The following DARS2 variants were observed in gnomAD, a reference collection of about 807,000 sequenced individuals.
DARS2 encodes aspartate--tRNA ligase, mitochondrial.
Under a neutral mutation model 83.0 loss-of-function variants are expected in DARS2, and 63 were observed. The observed-to-expected ratio is 0.76, with a 90% CI of 0.62 to 0.94. The LOEUF is 0.94. Ranked by LOEUF, DARS2 falls within the 40% of genes least tolerant of loss-of-function variation. DARS2 has a pLI of 0.00. For synonymous variants in DARS2, 250 were observed against 269.3 expected (o/e 0.93, Z 0.70); for missense variants, 675 against 774.4 (o/e 0.87, Z 1.52).
chr1:173,857,831 G>A lies in DARS2; in HGVS notation c.*126G>A. ...AAGTCTTTAGATGGAAGGAATCCAG[G>A]CAACATTCTTCACCACAACGAAGAA... On this transcript the variant is annotated 3_prime_UTR_variant, in exon 17 of 17. Transcript: ENST00000649689. 1.0e-6 allele frequency: 1 copy of A among 988,484 alleles called. No individual in the cohort carries two copies. Among genetic ancestry groups the A allele is most frequent in the South Asian group, 1.4e-5 (1 of 72,992 alleles). 61.2% of individuals were successfully genotyped at this position (988,484 alleles called of 1,614,324 possible). A position where few individuals can be genotyped will look rare whatever the true frequency, so the allele number is the denominator to read the frequency against.
At chr1:173,828,240 T>G in intron 2 of DARS2, 93 bp from the exon 3 acceptor site, 1 of 1,237,776 alleles carries the variant, frequency 8.1e-7, no homozygotes, top group Non-Finnish European at 1.2e-6. Flanking sequence ...AAAAATTGCA[T>G]GGATTTTTGT....
intron 13 of DARS2, 124 bp downstream of exon 13, chr1:173,850,603 ATC>A: frequency 1.9e-6 from 2 of 1,054,808 alleles, no homozygotes; most frequent in Non-Finnish European, 2.6e-6. Flanking sequence ...CTCTGCATAA[ATC>A]TTTTTTTTTT....
intron 15 of DARS2, among the ~76,000 whole-genome samples, chr1:173,854,593 AAGCAG>A (rs1287183041): frequency 1.3e-5 from 2 of 152,230 alleles, no homozygotes; most frequent in Non-Finnish European, 2.9e-5. Flanking sequence ...GTACAAAAGT[AAGCAG>A]AGTCAGGATT....
intron 15 of DARS2, among the ~76,000 whole-genome samples, chr1:173,854,308 T>C (rs532405818): frequency 6.6e-6 from 1 of 152,276 alleles, no homozygotes; most frequent in South Asian, 2.1e-4. Context: ...ACATTTGTTA[T>C]GATTGGAGGA....
chr1:173,856,652 C>G lies in DARS2; in HGVS notation c.1675-14C>G, dbSNP rs1260958006. 6.2e-7 allele frequency: 1 copy of G among 1,611,566 alleles called. No homozygotes were observed. Among genetic ancestry groups the G allele is most frequent in the East Asian group, 2.2e-5 (1 of 44,840 alleles). On this transcript the variant is annotated splice_polypyrimidine_tract_variant and intron_variant, in intron 15 of 16. Coordinates refer to ENST00000649689, the MANE Select transcript of DARS2 (RefSeq NM_018122.5). The stretch of plus-strand genomic sequence containing the variant: ...TCAAAATATATTTAAACTGAATTAT[C>G]TTTTGAATTTCAGGAGGATGTGAAA...
At chr1:173,825,915 T>C (rs1387685072) in intron 1 of DARS2, among the ~76,000 whole-genome samples, 2 of 151,512 alleles carry the variant, frequency 1.3e-5, no homozygotes, top group African/African-American at 2.4e-5. Flanking sequence ...CTGCTTTTGG[T>C]TGATGCCTTA....
chr1:173,850,960 G>A (rs1571996451), intron 13 of DARS2, among the ~76,000 whole-genome samples: 1 of 151,896 alleles, frequency 6.6e-6, no homozygotes, highest in African/African-American at 2.4e-5. Flanking sequence ...AGGGTTGGCC[G>A]GGCATGGTGG....
In DARS2 at chr1:173,853,936, A is replaced by C. The variant is rs769881224; in HGVS notation, c.1674+31A>C. The C allele has an allele frequency of 1.9e-6, 3 of 1,546,248 alleles. No individual in the cohort carries two copies. In the Admixed American group the frequency reaches 5.0e-5, roughly 26 times the overall value. On this transcript the variant is annotated intron_variant, in intron 15 of 16. Transcript: ENST00000649689. ...AAACATCATCTGCTATCCTGGGCTT[A>C]TTTTTTTACCAGAATATTTTTCAGT... is the stretch of plus-strand genomic sequence containing the variant.
intron 12 of DARS2, among the ~76,000 whole-genome samples, chr1:173,847,581 T>C (rs559545928): frequency 1.3e-5 from 2 of 152,274 alleles, no homozygotes; most frequent in South Asian, 4.1e-4. Context: ...CTTATGTGTT[T>C]TTAGCAACAT....
In DARS2 at chr1:173,824,874, C is replaced by T. The variant is rs1210553426; in HGVS notation, c.-356C>T. The T allele has an allele frequency of 2.9e-6, 1 of 343,782 alleles. No homozygotes were observed. The highest frequency in any genetic ancestry group is 7.5e-5 in the East Asian group (1 of 13,256). 21.3% of individuals were successfully genotyped at this position (343,782 alleles called of 1,614,324 possible). A position where few individuals can be genotyped will look rare whatever the true frequency, so the allele number is the denominator to read the frequency against. ...CGTGGAAAGAGGAGAAGGGCGTATA[C>T]CTTGTGACCGCCTCTGGTTGTCTTG... is the stretch of plus-strand genomic sequence containing the variant. On this transcript the variant is annotated 5_prime_UTR_variant, in exon 1 of 17. Coordinates refer to ENST00000649689, the MANE Select transcript of DARS2 (RefSeq NM_018122.5).
rs1304745729 is a variant in DARS2, at chr1:173,842,317, T to TTTTTTTTTTTTTTTTTTTG, written c.1128+1344_1128+1345insTTTTTTTTTTTTTTTTTTG. 3.3e-4 allele frequency among the ~76,000 whole-genome samples: 38 copies of TTTTTTTTTTTTTTTTTTTG among 116,628 alleles called. 8 individuals are homozygous for TTTTTTTTTTTTTTTTTTTG. Among genetic ancestry groups the TTTTTTTTTTTTTTTTTTTG allele is most frequent in the African/African-American group, 1.6e-3 (37 of 23,540 alleles). The allele number at this position is 116,628 out of a possible 152,430, so 76.5% of individuals were successfully genotyped here. ...TTTTTTTTTTTTTTTTTTTTTTTTT[T>TTTTTTTTTTTTTTTTTTTG]AGAGTGAGTCTTGCTCTGTCGCCCA... On this transcript the variant is annotated intron_variant, in intron 11 of 16. Coordinates refer to ENST00000649689, the MANE Select transcript of DARS2 (RefSeq NM_018122.5).
intron 11 of DARS2, among the ~76,000 whole-genome samples, chr1:173,843,678 A>G (rs1653317093): frequency 6.6e-6 from 1 of 152,228 alleles, no homozygotes; most frequent in Non-Finnish European, 1.5e-5. Context: ...CTCTATTAGG[A>G]TGGAAGTAGT....
At chr1:173,833,588 A>G (rs751991531) in intron 6 of DARS2, 89 bp downstream of exon 6, 10 of 1,529,932 alleles carry the variant, frequency 6.5e-6, no homozygotes, top group African/African-American at 1.4e-5. Flanking sequence ...CCTTAGCATG[A>G]GGTCAAGATG....
chr1:173,829,790 C>A (rs1260315733), intron 3 of DARS2, among the ~76,000 whole-genome samples: 4 of 151,954 alleles, frequency 2.6e-5, no homozygotes, highest in Admixed American at 6.6e-5. Flanking sequence ...GCTCCTGTAA[C>A]CCCAACTACT....
In DARS2 at chr1:173,843,431, G is replaced by A. The variant is rs192671720; in HGVS notation, c.1129-1798G>A. ...AAAAATTAGCCAGGTGTGGTTGTGC[G>A]CACCTGTAGTCCCAGCTACTCGGGA... On this transcript the variant is annotated intron_variant, in intron 11 of 16. Coordinates refer to ENST00000649689, the MANE Select transcript of DARS2 (RefSeq NM_018122.5). Among the ~76,000 whole-genome samples, 96 of 152,206 alleles carry A rather than the reference G, an allele frequency of 6.3e-4. 1 individual carries two copies. The highest frequency in any genetic ancestry group is 2.1e-3 in the African/African-American group (86 of 41,522).
At chr1:173,829,401 T>A (rs1652708356) in intron 3 of DARS2, among the ~76,000 whole-genome samples, 1 of 152,048 alleles carries the variant, frequency 6.6e-6, no homozygotes, top group South Asian at 2.1e-4. Context: ...ACGGTATTAC[T>A]GCTCAAAAAA....
At chr1:173,846,330 CTAAA>C (rs1571992484) in intron 12 of DARS2, among the ~76,000 whole-genome samples, 2 of 151,668 alleles carry the variant, frequency 1.3e-5, no homozygotes, top group East Asian at 3.9e-4. Flanking sequence ...GACTCAGTCT[CTAAA>C]TAAATAAATA....
chr1:173,844,778 A>ATT (rs1164469532), intron 11 of DARS2, among the ~76,000 whole-genome samples: 701 of 56,866 alleles, frequency 0.012, 152 homozygotes, highest in Non-Finnish European at 0.016. Context: ...CAGAAATTGG[A>ATT]TTTTTTTTTT....
intron 9 of DARS2, 99 bp downstream of exon 9, chr1:173,838,358 C>T (rs1382482085): frequency 1.2e-5 from 10 of 829,870 alleles, no homozygotes; most frequent in Non-Finnish European, 2.0e-5. Context: ...CTTCTCATTA[C>T]ATTTTATCCA....
Sources: gnomAD v4.1 joint callset for allele counts (sites outside exome capture counted in the v4.1 genomes callset) on GRCh38, gnomAD v4.1.1 for gene constraint, MANE v1.5 for transcripts, NCBI Gene and HGNC (gene_info 2026-07-23, HGNC 2026-07-21) for gene names.